The following NDUFA5 variants were observed in gnomAD, a reference collection of about 807,000 sequenced individuals.
NDUFA5 encodes the protein NADH dehydrogenase [ubiquinone] 1 alpha subcomplex subunit 5.
In NDUFA5, 11 loss-of-function variants were observed where a neutral mutation model predicts 19.8. That is an observed-to-expected ratio of 0.56 (90% CI 0.35 to 0.92). The LOEUF (loss-of-function observed/expected upper bound fraction) is 0.92, where lower values mean the gene tolerates loss of function less well. Ranked by LOEUF, NDUFA5 falls within the 40% of genes least tolerant of loss-of-function variation. The pLI is 0.01. For synonymous variants in NDUFA5, 47 were observed against 46.8 expected, an observed-to-expected ratio of 1.00 and a Z score of -0.01; for missense variants, 109 against 134.2, an observed-to-expected ratio of 0.81 and a Z score of 0.93.
At chr7:123,551,634 G>A (rs1223573482) in intron 2 of NDUFA5, 12 of 403,754 alleles carry the variant, frequency 3.0e-5, no homozygotes, top group Middle Eastern at 1.2e-3. Context: ...AACTAAATAC[G>A]GTCATAATAC....
the NDUFA5 span, among the ~76,000 whole-genome samples, chr7:123,572,784 T>G: frequency 1.3e-5 from 2 of 152,200 alleles, no homozygotes; most frequent in African/African-American, 4.8e-5. Flanking sequence ...TAGATGAGTT[T>G]TATACATTTG....
At chr7:123,594,789 C>T in the NDUFA5 span, among the ~76,000 whole-genome samples, 1 of 152,178 alleles carries the variant, frequency 6.6e-6, no homozygotes, top group Admixed American at 6.5e-5. Context: ...TCTCAAATGC[C>T]ATGCTGGGAG....
At chr7:123,559,735 A>C (rs1173891998), upstream of NDUFA5, among the ~76,000 whole-genome samples, 1 of 152,008 alleles carries the variant, frequency 6.6e-6, no homozygotes, top group Non-Finnish European at 1.5e-5. Context: ...GTGTGCCTGT[A>C]ATCTCAGCTA....
At chr7:123,550,707 TTTTAA>T (rs1798306473) in intron 2 of NDUFA5, 121 bp from the exon 3 acceptor site, 2 of 646,610 alleles carry the variant, frequency 3.1e-6, no homozygotes, top group African/African-American at 3.7e-5. Context: ...TGCTTTTTTT[TTTTAA>T]TTTAACTCTT....
chr7:123,597,785 C>T, the NDUFA5 span, among the ~76,000 whole-genome samples: 1 of 151,974 alleles, frequency 6.6e-6, no homozygotes, highest in South Asian at 2.1e-4. Context: ...GAGCTGAGAT[C>T]GCACCACTGC....
At chr7:123,572,302 C>T in the NDUFA5 span, among the ~76,000 whole-genome samples, 2,642 of 151,456 alleles carry the variant, frequency 0.017, 85 homozygotes, top group African/African-American at 0.061. Flanking sequence ...CCACCATGCC[C>T]GCTTAATTTT....
At chr7:123,564,825 T>A in the NDUFA5 span, among the ~76,000 whole-genome samples, 1 of 152,002 alleles carries the variant, frequency 6.6e-6, no homozygotes, top group South Asian at 2.1e-4. Flanking sequence ...ATTTTTGACT[T>A]ATGATATTTT....
At chr7:123,601,354 G>A in the NDUFA5 span, among the ~76,000 whole-genome samples, 3 of 152,078 alleles carry the variant, frequency 2.0e-5, no homozygotes, top group South Asian at 2.1e-4. Context: ...CCCTATCTCC[G>A]TCTGTATATC....
the NDUFA5 span, among the ~76,000 whole-genome samples, chr7:123,566,565 T>C: frequency 6.6e-6 from 1 of 152,158 alleles, no homozygotes; most frequent in African/African-American, 2.4e-5. Context: ...CAAATTACCA[T>C]CATAATTTTT....
chr7:123,575,232 T>G, the NDUFA5 span, among the ~76,000 whole-genome samples: 1 of 152,090 alleles, frequency 6.6e-6, no homozygotes, highest in African/African-American at 2.4e-5. Flanking sequence ...CAACACCTAT[T>G]AGTTCCCTAC....
At chr7:123,551,819 T>G (rs570159353) in intron 2 of NDUFA5, among the ~76,000 whole-genome samples, 1 of 152,230 alleles carries the variant, frequency 6.6e-6, no homozygotes, top group Admixed American at 6.5e-5. Flanking sequence ...TTTAAATATA[T>G]AATGCATATA....
At chr7:123,552,319 A>G (rs1391771648) in intron 2 of NDUFA5, among the ~76,000 whole-genome samples, 1 of 152,214 alleles carries the variant, frequency 6.6e-6, no homozygotes, top group Non-Finnish European at 1.5e-5. Flanking sequence ...AAAAAGGATG[A>G]GCTCATATCC....
chr7:123,572,334 T>C, the NDUFA5 span, among the ~76,000 whole-genome samples: 1 of 151,344 alleles, frequency 6.6e-6, no homozygotes. Flanking sequence ...TAGAGACAGG[T>C]TTCACCATGT....
At chr7:123,566,115 CCA>C in the NDUFA5 span, among the ~76,000 whole-genome samples, 9 of 151,966 alleles carry the variant, frequency 5.9e-5, no homozygotes, top group Admixed American at 2.0e-4. Context: ...GAGACCTTAT[CCA>C]GTGTCAATGA....
chr7:123,598,183 C>T, the NDUFA5 span, among the ~76,000 whole-genome samples: 49 of 151,976 alleles, frequency 3.2e-4, no homozygotes, highest in Admixed American at 5.9e-4. Flanking sequence ...CATTTTATGT[C>T]CCTGGAAGTA....
chr7:123,570,663 A>G, the NDUFA5 span, among the ~76,000 whole-genome samples: 17 of 152,304 alleles, frequency 1.1e-4, no homozygotes, highest in South Asian at 3.5e-3. Context: ...AGCCCTAAAG[A>G]ATCCTTTGGT....
the NDUFA5 span, among the ~76,000 whole-genome samples, chr7:123,569,522 A>G: frequency 2.0e-5 from 3 of 152,218 alleles, 1 homozygote. Flanking sequence ...AGGATGTATG[A>G]GATTGACTTA....
chr7:123,596,603 C>G, the NDUFA5 span, among the ~76,000 whole-genome samples: 4 of 151,558 alleles, frequency 2.6e-5, no homozygotes, highest in Non-Finnish European at 5.9e-5. Context: ...CAGAGGGAGA[C>G]CCTGTCTCAA....
chr7:123,590,737 C>A, the NDUFA5 span, among the ~76,000 whole-genome samples: 1 of 152,112 alleles, frequency 6.6e-6, no homozygotes, highest in African/African-American at 2.4e-5. Flanking sequence ...TAGCGTGATG[C>A]CTCCAACTTT....
Sources: gnomAD v4.1 joint callset for allele counts (sites outside exome capture counted in the v4.1 genomes callset) on GRCh38, gnomAD v4.1.1 for gene constraint, MANE v1.5 for transcripts, NCBI Gene and HGNC (gene_info 2026-07-23, HGNC 2026-07-21) for gene names.